The following CSMD1 variants were observed in gnomAD, a reference collection of about 807,000 sequenced individuals.
CSMD1 encodes CUB and Sushi multiple domains 1.
CSMD1 carries 213 observed loss-of-function variants against 417.5 expected under a neutral mutation model. The ratio of observed to expected loss-of-function variants is 0.51; its 90% confidence interval spans 0.46 to 0.57. The LOEUF (loss-of-function observed/expected upper bound fraction) is 0.57, where lower values mean the gene tolerates loss of function less well. CSMD1 is among the 20% of genes least tolerant of loss of function. The pLI is 0.00. For synonymous variants in CSMD1, 2,862 were observed against 1,736.8 expected (o/e 1.65, Z -16.11); for missense variants, 6,923 against 4,529.7 (o/e 1.53, Z -15.17).
chr8:3,728,791 T>A (rs751579660), intron 6 of CSMD1, among the ~76,000 whole-genome samples: 3 of 152,236 alleles, frequency 2.0e-5, no homozygotes, highest in Non-Finnish European at 2.9e-5. Flanking sequence ...ATATGAGGTT[T>A]ATTCAGCACA....
chr8:4,918,695 A>C (rs1026013997), intron 1 of CSMD1, among the ~76,000 whole-genome samples: 3 of 152,230 alleles, frequency 2.0e-5, no homozygotes, highest in African/African-American at 7.2e-5. Flanking sequence ...TTATTATTTG[A>C]CTAATACATT....
chr8:3,184,534 C>T (rs1310319496), intron 36 of CSMD1, among the ~76,000 whole-genome samples: 5 of 152,240 alleles, frequency 3.3e-5, no homozygotes, highest in African/African-American at 1.2e-4. Context: ...TAGCCATCAA[C>T]TGAGCTTCAG....
rs560525070 is a variant in CSMD1 at position 4,638,593 on chromosome 8, G to A, written c.86-1035C>T. Among the ~76,000 whole-genome samples, 9 of 152,300 alleles carry A rather than the reference G, an allele frequency of 5.9e-5. No homozygotes were observed. The South Asian group carries it at 8.3e-4, about 14-fold the overall frequency. ...CAGAAAGGAAGGTGTACCACAAAAT[G>A]AGGGGACCAAGTAAAGAAAAGGCTC... On this transcript the variant is annotated intron_variant, in intron 1 of 69. Coordinates refer to ENST00000635120, the MANE Select transcript of CSMD1 (RefSeq NM_033225.6).
chr8:4,753,768 T>C (rs1300529014), intron 1 of CSMD1, among the ~76,000 whole-genome samples: 1 of 152,210 alleles, frequency 6.6e-6, no homozygotes, highest in Non-Finnish European at 1.5e-5. Context: ...GATGGGAACA[T>C]TCCCTTTCCT....
intron 3 of CSMD1, among the ~76,000 whole-genome samples, chr8:4,271,945 A>G (rs1330161126): frequency 1.3e-5 from 2 of 152,094 alleles, no homozygotes; most frequent in Non-Finnish European, 2.9e-5. Flanking sequence ...TGCCCTACAG[A>G]TCTCATGTAT....
chr8:3,126,385 C>G (rs1232679429), intron 41 of CSMD1, among the ~76,000 whole-genome samples: 1 of 152,218 alleles, frequency 6.6e-6, no homozygotes, highest in African/African-American at 2.4e-5. Flanking sequence ...GCTACTGCTT[C>G]TGGTGGTGGG....
chr8:4,769,667 C>G (rs189981606), intron 1 of CSMD1, among the ~76,000 whole-genome samples: 2 of 152,116 alleles, frequency 1.3e-5, no homozygotes, highest in Non-Finnish European at 2.9e-5. Context: ...CTTGGAAAGG[C>G]TGACGGATTT....
intron 52 of CSMD1, among the ~76,000 whole-genome samples, chr8:3,005,722 C>T (rs112983101): frequency 1.9e-4 from 29 of 151,978 alleles, no homozygotes; most frequent in Admixed American, 6.6e-4. Context: ...AATTCAACAA[C>T]GCTTCATGCT....
chr8:3,085,520 T>C (rs768947669), intron 49 of CSMD1, among the ~76,000 whole-genome samples: 2 of 152,228 alleles, frequency 1.3e-5, no homozygotes, highest in Non-Finnish European at 1.5e-5. Flanking sequence ...CTCTGCCATG[T>C]TCCACACAAA....
chr8:3,093,598 G>T (rs1024840823), intron 47 of CSMD1, among the ~76,000 whole-genome samples: 1 of 152,108 alleles, frequency 6.6e-6, no homozygotes, highest in Non-Finnish European at 1.5e-5. Context: ...AACCCAGGAG[G>T]TGGAAGTTGC....
At chr8:4,459,938 T>C (rs1304985094) in intron 2 of CSMD1, among the ~76,000 whole-genome samples, 1 of 152,200 alleles carries the variant, frequency 6.6e-6, no homozygotes, top group African/African-American at 2.4e-5. Context: ...ACTGTTCTAC[T>C]CATTTTCATA....
At chr8:3,372,792 G>C (rs185799993) in intron 18 of CSMD1, among the ~76,000 whole-genome samples, 3 of 152,294 alleles carry the variant, frequency 2.0e-5, no homozygotes, top group Non-Finnish European at 4.4e-5. Context: ...GGCCATGGAA[G>C]AGGGTTGAGC....
intron 5 of CSMD1, among the ~76,000 whole-genome samples, chr8:3,808,703 C>T (rs1800890620): frequency 6.6e-6 from 1 of 152,174 alleles, no homozygotes; most frequent in South Asian, 2.1e-4. Context: ...TCTAGAAGTT[C>T]CCACTTGCGT....
intron 54 of CSMD1, among the ~76,000 whole-genome samples, chr8:2,985,142 AC>A (rs1389572228): frequency 6.6e-6 from 1 of 152,208 alleles, no homozygotes; most frequent in African/African-American, 2.4e-5. Context: ...TTTTTATGTC[AC>A]AAAAATTGTG....
chr8:4,568,701 C>T (rs957607255), intron 2 of CSMD1, among the ~76,000 whole-genome samples: 3 of 152,188 alleles, frequency 2.0e-5, no homozygotes, highest in Non-Finnish European at 4.4e-5. Flanking sequence ...GCCACACTGT[C>T]TTCCACAATG....
chr8:3,202,041 G>A (rs1208404798), intron 31 of CSMD1, among the ~76,000 whole-genome samples: 3 of 152,072 alleles, frequency 2.0e-5, no homozygotes, highest in African/African-American at 7.2e-5. Flanking sequence ...GGTGGCTCAC[G>A]CCTGTAATCC....
chr8:3,124,584 G>A (rs1206757968), intron 41 of CSMD1, among the ~76,000 whole-genome samples: 1 of 152,186 alleles, frequency 6.6e-6, no homozygotes, highest in African/African-American at 2.4e-5. Flanking sequence ...AGTTTCAGAA[G>A]AGAGATGACC....
chr8:4,946,710 T>C (rs1289763906), intron 1 of CSMD1, among the ~76,000 whole-genome samples: 1 of 152,148 alleles, frequency 6.6e-6, no homozygotes, highest in Non-Finnish European at 1.5e-5. Context: ...TCCCCAAAGG[T>C]TGAATATGTG....
intron 26 of CSMD1, among the ~76,000 whole-genome samples, chr8:3,248,273 G>A (rs1006043513): frequency 7.9e-5 from 12 of 152,190 alleles, no homozygotes; most frequent in South Asian, 6.2e-4. Context: ...GTGATGACAC[G>A]TTCAGCCTTA....
Sources: gnomAD v4.1 joint callset for allele counts (sites outside exome capture counted in the v4.1 genomes callset) on GRCh38, gnomAD v4.1.1 for gene constraint, MANE v1.5 for transcripts, NCBI Gene and HGNC (gene_info 2026-07-23, HGNC 2026-07-21) for gene names.